The following HS3ST5 variants were observed in gnomAD, a reference collection of about 807,000 sequenced individuals.
HS3ST5 encodes heparan sulfate-glucosamine 3-sulfotransferase 5.
Under a neutral mutation model 25.4 loss-of-function variants are expected in HS3ST5, and 10 were observed. The ratio of observed to expected loss-of-function variants is 0.39; its 90% CI spans 0.24 to 0.67. HS3ST5 has a LOEUF of 0.67. HS3ST5 is among the 30% of genes least tolerant of loss of function. The pLI is 0.44. For synonymous variants in HS3ST5, 170 were observed against 162.4 expected, an observed-to-expected ratio of 1.05 and a Z score of -0.36; for missense variants, 324 against 420.7, an observed-to-expected ratio of 0.77 and a Z score of 2.01.
intron 2 of HS3ST5, among the ~76,000 whole-genome samples, chr6:114,184,322 G>GA (rs1295317022): frequency 6.6e-6 from 1 of 152,058 alleles, no homozygotes; most frequent in Non-Finnish European, 1.5e-5. Flanking sequence ...AAGTGATTTG[G>GA]AAAATTCTCA....
chr6:114,120,936 G>A (rs546727898), intron 3 of HS3ST5, among the ~76,000 whole-genome samples: 41 of 152,226 alleles, frequency 2.7e-4, no homozygotes, highest in African/African-American at 7.0e-4. Flanking sequence ...TATAATTGGA[G>A]GAATTTTGGC....
chr6:114,299,313 C>G (rs1488891686), intron 1 of HS3ST5, among the ~76,000 whole-genome samples: 1 of 152,174 alleles, frequency 6.6e-6, no homozygotes, highest in East Asian at 1.9e-4. Flanking sequence ...ACCCTGTCTG[C>G]TGATAAGATG....
chr6:114,125,959 C>G (rs1519686), intron 3 of HS3ST5, among the ~76,000 whole-genome samples: 2 of 151,946 alleles, frequency 1.3e-5, no homozygotes, highest in African/African-American at 4.8e-5. Flanking sequence ...CCTCAGAGAC[C>G]GCTCAGAAAA....
At chr6:114,178,505 A>G (rs1779823425) in intron 2 of HS3ST5, 1 of 152,254 alleles carries the variant, frequency 6.6e-6, no homozygotes, top group South Asian at 2.1e-4. Context: ...ACATAGGAAC[A>G]CTAAAAGGTT....
chr6:114,179,865 G>A (rs978883822), intron 2 of HS3ST5, among the ~76,000 whole-genome samples: 1 of 151,946 alleles, frequency 6.6e-6, no homozygotes, highest in Non-Finnish European at 1.5e-5. Context: ...GCTGAAGGCC[G>A]GAGAGCCCCT....
chr6:114,299,627 T>C (rs1562268637), intron 1 of HS3ST5, among the ~76,000 whole-genome samples: 1 of 152,102 alleles, frequency 6.6e-6, no homozygotes, highest in African/African-American at 2.4e-5. Context: ...CGGCTGACAC[T>C]TAGGGAAAAT....
chr6:114,271,706 T>C (rs1033948262), intron 1 of HS3ST5, among the ~76,000 whole-genome samples: 9 of 152,126 alleles, frequency 5.9e-5, no homozygotes, highest in Non-Finnish European at 2.9e-5. Flanking sequence ...CAATATGACA[T>C]CCCAATTAGT....
chr6:114,142,004 T>C lies in HS3ST5; in HGVS notation c.-33+26347A>G, dbSNP rs113545029. On this transcript the variant is annotated intron_variant, in intron 3 of 4. Coordinates refer to ENST00000312719, the MANE Select transcript of HS3ST5 (RefSeq NM_153612.4). ...CTTCATGTTCCATCTCATTTTTTTT[T>C]CCTCATTTCCTACAGCTGGTTGTTT... is the stretch of plus-strand genomic sequence containing the variant. 3.2e-3 allele frequency among the ~76,000 whole-genome samples: 484 copies of C among 152,210 alleles called. 8 individuals carry two copies. The highest frequency in any genetic ancestry group is 3.1e-3 in the African/African-American group (130 of 41,530).
intron 2 of HS3ST5, among the ~76,000 whole-genome samples, chr6:114,197,658 G>A (rs1780826918): frequency 6.6e-6 from 1 of 151,938 alleles, no homozygotes. Flanking sequence ...GGAGTCCTCA[G>A]CATCTACTGT....
At chr6:114,209,835 G>GTA (rs1462721197) in intron 2 of HS3ST5, among the ~76,000 whole-genome samples, 1 of 152,182 alleles carries the variant, frequency 6.6e-6, no homozygotes, top group Admixed American at 6.5e-5. Context: ...GAATGCTTGT[G>GTA]TATGTTGCTG....
At chr6:114,144,484 A>G (rs1778060061) in intron 3 of HS3ST5, among the ~76,000 whole-genome samples, 1 of 151,168 alleles carries the variant, frequency 6.6e-6, no homozygotes, top group Non-Finnish European at 1.5e-5. Context: ...ATGGTCCCAC[A>G]CAGCCTAAAA....
chr6:114,277,508 A>G (rs72956225), intron 1 of HS3ST5, among the ~76,000 whole-genome samples: 11,652 of 151,634 alleles, frequency 0.077, 548 homozygotes, highest in African/African-American at 0.14. Context: ...AGACAGTAAC[A>G]GTAATTATAA....
At chr6:114,121,655 A>G (rs1048985554) in intron 3 of HS3ST5, among the ~76,000 whole-genome samples, 4 of 152,126 alleles carry the variant, frequency 2.6e-5, no homozygotes, top group African/African-American at 7.2e-5. Context: ...ATATTTACAA[A>G]TAATTTAACA....
At position 114,058,211 on chromosome 6, in the gene HS3ST5, C is replaced by A. The variant is rs1230101900; in HGVS notation, c.108-21G>T. ...GTAGCCTGCAAGCAAGACAGAGACA[C>A]TTTAAGCTCATTGCAACTAACTTTT... is the stretch of plus-strand genomic sequence containing the variant. On this transcript the variant is annotated intron_variant, in intron 4 of 4. Transcript: ENST00000312719. The A allele has an allele frequency of 6.4e-6, 10 of 1,559,774 alleles. No homozygotes were observed. The African/African-American group carries it at 1.4e-4, about 21-fold the overall frequency.
intron 2 of HS3ST5, among the ~76,000 whole-genome samples, chr6:114,220,344 A>C (rs1324582374): frequency 6.6e-6 from 1 of 152,036 alleles, no homozygotes; most frequent in African/African-American, 2.4e-5. Flanking sequence ...CTTAGCAGAC[A>C]GTCTTTTATA....
At chr6:114,160,361 A>G (rs1230741862) in intron 3 of HS3ST5, among the ~76,000 whole-genome samples, 1 of 152,148 alleles carries the variant, frequency 6.6e-6, no homozygotes, top group East Asian at 1.9e-4. Flanking sequence ...AATTCATATT[A>G]TTTTACAAAA....
At chr6:114,247,187 T>C (rs1242719265) in intron 1 of HS3ST5, among the ~76,000 whole-genome samples, 1 of 152,224 alleles carries the variant, frequency 6.6e-6, no homozygotes, top group Non-Finnish European at 1.5e-5. Context: ...GCTTACACTG[T>C]TGTTAATCTT....
In HS3ST5 at chr6:114,056,458, A is replaced by G. The variant is rs184378847; in HGVS notation, c.*799T>C. ...AATGAGTAAAAAAAAAAAAAATTGC[A>G]CATAGAGTAATTTTAATCCATTCCA... On this transcript the variant is annotated 3_prime_UTR_variant, in exon 5 of 5. Transcript: ENST00000312719. 44 of 152,194 alleles carry G rather than the reference A, an allele frequency of 2.9e-4. No homozygotes were observed. The highest frequency in any genetic ancestry group is 1.1e-3 in the African/African-American group (44 of 41,544). The allele number at this position is 152,194 out of a possible 1,614,324, so 9.4% of individuals were successfully genotyped here.
At chr6:114,278,957 A>G (rs1337570330) in intron 1 of HS3ST5, among the ~76,000 whole-genome samples, 2 of 151,550 alleles carry the variant, frequency 1.3e-5, no homozygotes, top group Non-Finnish European at 2.9e-5. Context: ...CAAGAAGAAA[A>G]CTCCTTTTAT....
Sources: allele counts gnomAD v4.1 joint callset (sites outside exome capture counted in the v4.1 genomes callset), GRCh38; gene constraint gnomAD v4.1.1; transcripts MANE v1.5; gene names NCBI Gene and HGNC (gene_info 2026-07-23, HGNC 2026-07-21).